ESR1: variants seen among roughly 807,000 people sequenced by gnomAD.
ESR1 encodes the protein estrogen receptor.
ESR1 carries 12 observed loss-of-function variants against 52.7 expected under a neutral mutation model. The ratio of observed to expected loss-of-function variants is 0.23; its 90% CI spans 0.15 to 0.37. The LOEUF is 0.37. Ranked by LOEUF, ESR1 falls within the 10% of genes least tolerant of loss-of-function variation. ESR1 has a pLI of 1.00. For missense variants in ESR1, 584 were observed against 779.7 expected (o/e 0.75, Z 2.99); for synonymous variants, 305 against 316.8 (o/e 0.96, Z 0.39).
At chr6:151,657,288 A>G (rs1777487915) in intron 1 of ESR1, among the ~76,000 whole-genome samples, 1 of 152,180 alleles carries the variant, frequency 6.6e-6, no homozygotes, top group Non-Finnish European at 1.5e-5. Flanking sequence ...GAAAAAGGGA[A>G]ATTAATTAAA....
At chr6:151,678,938 G>A (rs1387888328) in intron 1 of ESR1, among the ~76,000 whole-genome samples, 2 of 152,046 alleles carry the variant, frequency 1.3e-5, no homozygotes, top group African/African-American at 4.8e-5. Flanking sequence ...ACCCGCCTCG[G>A]CCTCCCAAAG....
chr6:151,893,737 C>T (rs896837784), intron 3 of ESR1, among the ~76,000 whole-genome samples: 2 of 152,222 alleles, frequency 1.3e-5, no homozygotes, highest in South Asian at 4.1e-4. Context: ...TTTTAGTGCT[C>T]ATTTGACCAT....
chr6:151,672,637 A>G (rs1210150074), intron 1 of ESR1, among the ~76,000 whole-genome samples: 2 of 139,100 alleles, frequency 1.4e-5, no homozygotes, highest in African/African-American at 2.8e-5. Flanking sequence ...GCGCCAGGTC[A>G]TTTTTTTGTA....
chr6:151,732,044 GC>G (rs1782286971), intron 2 of ESR1, among the ~76,000 whole-genome samples: 1 of 152,122 alleles, frequency 6.6e-6, no homozygotes, highest in Non-Finnish European at 1.5e-5. Context: ...CTTATTAACT[GC>G]CTGCTGTTTA....
chr6:151,966,636 C>T (rs1214059098), intron 4 of ESR1, among the ~76,000 whole-genome samples: 2 of 151,998 alleles, frequency 1.3e-5, no homozygotes, highest in Admixed American at 6.6e-5. Context: ...CAGTCATATC[C>T]TTTTTATTAT....
At chr6:152,008,825 C>T (rs1000134914) in intron 4 of ESR1, among the ~76,000 whole-genome samples, 8 of 151,750 alleles carry the variant, frequency 5.3e-5, no homozygotes, top group Admixed American at 2.0e-4. Context: ...TTTAATGTAC[C>T]GTGTAAGTTT....
At chr6:151,778,059 C>G (rs993675894) in intron 2 of ESR1, among the ~76,000 whole-genome samples, 1 of 152,198 alleles carries the variant, frequency 6.6e-6, no homozygotes, top group Admixed American at 6.5e-5. Context: ...CTACCCAAGA[C>G]GCAATTGGTT....
intron 6 of ESR1, among the ~76,000 whole-genome samples, chr6:152,087,226 A>G (rs2049798766): frequency 6.6e-6 from 1 of 152,202 alleles, no homozygotes; most frequent in Admixed American, 6.5e-5. Flanking sequence ...TTCCATAACA[A>G]AGTGTGGCAG....
At chr6:152,072,626 G>A (rs3778089) in intron 6 of ESR1, among the ~76,000 whole-genome samples, 31,194 of 152,022 alleles carry the variant, frequency 0.21, 4,414 homozygotes, top group African/African-American at 0.39. Context: ...ACTAAGGCCC[G>A]AAGGACCAAG....
chr6:151,961,676 C>T (rs1379773270), intron 4 of ESR1, among the ~76,000 whole-genome samples: 2 of 152,088 alleles, frequency 1.3e-5, no homozygotes, highest in Non-Finnish European at 2.9e-5. Context: ...AGCTTCAGTT[C>T]TTCAGGGAAT....
In ESR1 at chr6:152,094,430, A is replaced by C; in HGVS notation, c.1415A>C (p.Lys472Thr). Residue 472 changes from lysine to threonine, a missense_variant, in exon 7 of 8, where the codon AAG becomes ACG. By Grantham distance (78) the Lys-to-Thr change is moderately conservative. Around this residue, in one of 6 missense-constraint regions of ESR1, gnomAD observed 141 missense variants for 289.3 expected, o/e 0.49. Transcript: ENST00000206249. This position sits in a 1 kb window ranked among gnomAD's most constrained non-coding sequence, Gnocchi z 4.6. ...AGCACCCTGAAGTCTCTGGAAGAGA[A>C]GGACCATATCCACCGAGTCCTGGAC... ...LSSTLKSLEE[K>T]DHIHRVLDKI... 1 of 1,614,126 alleles carries C rather than the reference A, an allele frequency of 6.2e-7. No homozygotes were observed. Among genetic ancestry groups the C allele is most frequent in the Non-Finnish European group, 8.5e-7 (1 of 1,180,020 alleles).
At chr6:152,036,469 A>T (rs2045316709) in intron 5 of ESR1, among the ~76,000 whole-genome samples, 1 of 152,236 alleles carries the variant, frequency 6.6e-6, no homozygotes, top group Non-Finnish European at 1.5e-5. Context: ...ATATTATCAA[A>T]CTTCTTTTGT....
At chr6:151,895,740 AC>A (rs1795396906) in intron 3 of ESR1, among the ~76,000 whole-genome samples, 1 of 152,180 alleles carries the variant, frequency 6.6e-6, no homozygotes, top group Non-Finnish European at 1.5e-5. Flanking sequence ...CTGGTATGAA[AC>A]CCACTTGATC....
Position 152,108,518 on chromosome 6 carries a change from ACTCT to A in ESR1, c.851-16742_851-16739del, listed in dbSNP as rs1435883359. 1.2e-4 allele frequency among the ~76,000 whole-genome samples: 19 copies of A among 152,040 alleles called. 1 individual carries two copies. Among genetic ancestry groups the A allele is most frequent in the South Asian group, 4.2e-4 (2 of 4,818 alleles). ...CTTTTTGGAGTGAGGATTTACCAAT[ACTCT>A]CTCTCAGCCATAGCTGGGGATCTCA... On this transcript the variant is annotated intron_variant, in intron 6 of 6. Coordinates refer to the ESR1 transcript ENST00000427531.
At position 152,098,971 on chromosome 6, in the gene ESR1, T is replaced by C. The variant is rs774992827; in HGVS notation, c.*5T>C. Reference sequence around the variant, plus strand: ...GGTTTCCCTGCCACGGTCTGAGAGCTCCCTGGCTCCCACACGGTTCAGATA... The same window carrying C: ...GGTTTCCCTGCCACGGTCTGAGAGCCCCCTGGCTCCCACACGGTTCAGATA... On this transcript the variant is annotated 3_prime_UTR_variant, in exon 8 of 8. Coordinates refer to ENST00000206249, the MANE Select transcript of ESR1 (RefSeq NM_000125.4). The surrounding 1 kb of genome is among the most constrained non-coding windows in gnomAD (Gnocchi z 5.1). 13 of 1,607,018 alleles carry C rather than the reference T, an allele frequency of 8.1e-6. No homozygotes were observed. Among genetic ancestry groups the C allele is most frequent in the Middle Eastern group, 1.6e-4 (1 of 6,078 alleles).
intron 7 of ESR1, among the ~76,000 whole-genome samples, chr6:152,097,777 G>T (rs1391920044): frequency 2.0e-5 from 3 of 152,060 alleles, no homozygotes; most frequent in Non-Finnish European, 4.4e-5. Flanking sequence ...CGTGAACTGA[G>T]CTCTGGGCAC....
intron 6 of ESR1, among the ~76,000 whole-genome samples, chr6:152,089,300 A>G (rs902303047): frequency 6.6e-6 from 1 of 152,200 alleles, no homozygotes; most frequent in African/African-American, 2.4e-5. Flanking sequence ...CTATTTTATA[A>G]TTGTTGGCTC....
chr6:151,897,804 G>T (rs1272766905), intron 3 of ESR1, among the ~76,000 whole-genome samples: 2 of 152,166 alleles, frequency 1.3e-5, no homozygotes, highest in Admixed American at 1.3e-4. Context: ...ACATTAAGGA[G>T]GTTCTGTTTT....
At chr6:152,083,536 T>C (rs745775484) in intron 6 of ESR1, among the ~76,000 whole-genome samples, 3 of 152,192 alleles carry the variant, frequency 2.0e-5, no homozygotes, top group Non-Finnish European at 2.9e-5. Flanking sequence ...ATTCAGGACA[T>C]AGGCATGGGC....
Sources: allele counts gnomAD v4.1 joint callset (sites outside exome capture counted in the v4.1 genomes callset), GRCh38; gene constraint gnomAD v4.1.1; regional missense constraint gnomAD v4.1.1; non-coding constraint Gnocchi (gnomAD v3.1); transcripts MANE v1.5; gene names NCBI Gene and HGNC (gene_info 2026-07-23, HGNC 2026-07-21).